Variants in COQ8A observed in about 807,000 individuals in gnomAD.
COQ8A encodes the protein coenzyme Q8A.
COQ8A carries 51 observed loss-of-function variants against 65.0 expected under a neutral mutation model. That is an observed-to-expected ratio of 0.78 (90% CI 0.63 to 0.99). The LOEUF is 0.99. Among genes scored for constraint, COQ8A ranks in the 50% least tolerant of loss-of-function variants. COQ8A has a pLI of 0.00. For missense variants in COQ8A, 940 were observed against 875.0 expected, an observed-to-expected ratio of 1.07 and a Z score of -0.94; for synonymous variants, 371 against 353.2, an observed-to-expected ratio of 1.05 and a Z score of -0.57.
At chr1:226,985,724 C>T (rs952063297) in intron 14 of COQ8A, among the ~76,000 whole-genome samples, 3 of 152,188 alleles carry the variant, frequency 2.0e-5, no homozygotes, top group Non-Finnish European at 2.9e-5. Flanking sequence ...TAAAGGGGAA[C>T]GGTCTGTGCT....
In COQ8A at chr1:226,972,757, TG is replaced by T. The variant is rs1658972404; in HGVS notation, c.656-4688del. Among the ~76,000 whole-genome samples the T allele has an allele frequency of 2.0e-5, 3 of 152,024 alleles. No individual in the cohort carries two copies. In the South Asian group the frequency reaches 6.2e-4, roughly 32 times the overall value. On this transcript the variant is annotated intron_variant, in intron 4 of 14. Transcript: ENST00000366777. The surrounding 1 kb of genome is among the most constrained non-coding windows in gnomAD (Gnocchi z 4.3). ...AAAACAAACATTGGGTGAATGGGCT[TG>T]GGGTGGTTATTTTTAAAATTTTGCA...
intron 7 of COQ8A, 32 bp from the exon 8 acceptor site, chr1:226,982,862 G>T (rs746945985): frequency 4.3e-6 from 7 of 1,612,442 alleles, no homozygotes; most frequent in Admixed American, 1.7e-5. Flanking sequence ...GGCAGGGCAT[G>T]CTCAGAGCCC....
rs1657634041 is a variant in COQ8A, at chr1:226,955,421, CCACTCTCCCTGGTTCA to C, written c.-9-5947_-9-5932del. Among the ~76,000 whole-genome samples the C allele has an allele frequency of 3.0e-5, 4 of 133,354 alleles. No homozygotes were observed. The South Asian group carries it at 1.1e-3, about 36-fold the overall frequency. The allele number at this position is 133,354 out of a possible 152,430, so 87.5% of individuals were successfully genotyped here. A position where few individuals can be genotyped will look rare whatever the true frequency, so the allele number is the denominator to read the frequency against. ...CCCTGGCTGCCACTCTCCCTGGCTG[CCACTCTCCCTGGTTCA>C]CACTCTCCTTGGCTGCCACTCTCCC... On this transcript the variant is annotated intron_variant, in intron 1 of 14. Transcript: ENST00000366777.
chr1:226,976,699 C>A (rs535726888), intron 4 of COQ8A, among the ~76,000 whole-genome samples: 9 of 152,134 alleles, frequency 5.9e-5, no homozygotes, highest in Non-Finnish European at 1.3e-4. Context: ...CTTTCTTGAG[C>A]AGCTGGGATC....
At chr1:226,945,855 C>T (rs1657008783) in intron 1 of COQ8A, among the ~76,000 whole-genome samples, 1 of 152,222 alleles carries the variant, frequency 6.6e-6, no homozygotes, top group Admixed American at 6.5e-5. Flanking sequence ...GGTCTGTGTG[C>T]CCACCATGAG....
chr1:226,979,506 A>T (rs1178472000), intron 5 of COQ8A, among the ~76,000 whole-genome samples: 1 of 152,136 alleles, frequency 6.6e-6, no homozygotes, highest in Non-Finnish European at 1.5e-5. Context: ...GTTCTGGGCC[A>T]AGTCCCCTGG....
intron 13 of COQ8A, 69 bp downstream of exon 13, chr1:226,985,010 G>C (rs773253916): frequency 1.9e-6 from 3 of 1,571,978 alleles, no homozygotes; most frequent in Admixed American, 1.7e-5. Context: ...TGGGGGACTC[G>C]GGGTAGGGAG....
In COQ8A at chr1:226,984,555, A is replaced by G. The variant is rs1326582121; in HGVS notation, c.1406A>G (p.Tyr469Cys). The G allele has an allele frequency of 6.2e-7, 1 of 1,613,632 alleles. No homozygotes were observed. Among genetic ancestry groups the G allele is most frequent in the South Asian group, 1.1e-5 (1 of 91,080 alleles). The change falls in exon 12 of 15, where the codon TAC (tyrosine) becomes TGC (cysteine). Residue 469 changes from tyrosine (Y) to cysteine (C), a missense_variant. By Grantham distance (194) the Tyr-to-Cys change is radical. Coordinates refer to ENST00000366777, the MANE Select transcript of COQ8A (RefSeq NM_020247.5). The part of the protein sequence containing the change: ...LSQEIRNEIC[Y>C]NILVLCLREL... Reference sequence around the variant, plus strand: ...CCTTCGCGCTGTCCACAGATCTGCTACAACATCCTGGTTCTGTGCCTGAGG... The same window carrying G: ...CCTTCGCGCTGTCCACAGATCTGCTGCAACATCCTGGTTCTGTGCCTGAGG...
intron 1 of COQ8A, among the ~76,000 whole-genome samples, chr1:226,942,023 T>C (rs1227716649): frequency 6.6e-6 from 1 of 152,004 alleles, no homozygotes; most frequent in Non-Finnish European, 1.5e-5. Flanking sequence ...CTATACATTG[T>C]AGGATGTGTA....
rs374177780 is a variant in COQ8A, at chr1:226,984,065, C to T, written c.1257-29C>T. The T allele has an allele frequency of 7.0e-5, 113 of 1,612,126 alleles. 1 individual carries two copies. In the Middle Eastern group the frequency reaches 8.3e-4, roughly 12 times the overall value. On this transcript the variant is annotated intron_variant, in intron 10 of 14. Coordinates refer to ENST00000366777, the MANE Select transcript of COQ8A (RefSeq NM_020247.5). The stretch of plus-strand genomic sequence containing the variant: ...GGGGGACGGTGTGGAGGGCCTGTGG[C>T]TAGGGCGTGACCTCCCTCCCCTACC...
rs761489506 is a variant in COQ8A at position 226,983,806 on chromosome 1, C to A, written c.1208C>A (p.Ala403Asp). Residue 403 changes from alanine to aspartate, a missense_variant, in exon 10 of 15, where the codon GCC (alanine) becomes GAC (aspartate). Physicochemically the swap from Ala to Asp is moderately radical, Grantham distance 126. Transcript: ENST00000366777. The stretch of plus-strand genomic sequence containing the variant: ...ATCGACGTGCTGAGGCGGGAGCTGG[C>A]CCTGGAGTGTGACTACCAGCGAGAG... ...HLIDVLRREL[A>D]LECDYQREAA... is the part of the protein sequence containing the mutation. 1 of 1,612,500 alleles carries A rather than the reference C, an allele frequency of 6.2e-7. No individual in the cohort carries two copies. The highest frequency in any genetic ancestry group is 1.1e-5 in the South Asian group (1 of 91,068).
Position 226,985,251 on chromosome 1 carries a change from C to G in COQ8A, c.1573-3C>G, listed in dbSNP as rs757502588. ...CACGGTCCCCTCCTGTGCCTCTCCC[C>G]AGATCATCAGGGCTGCTGCCGACAG... On this transcript the variant is annotated splice_polypyrimidine_tract_variant and splice_region_variant and intron_variant, in intron 13 of 14. Coordinates refer to ENST00000366777, the MANE Select transcript of COQ8A (RefSeq NM_020247.5). 1 of 1,613,284 alleles carries G rather than the reference C, an allele frequency of 6.2e-7. No individual in the cohort carries two copies. Among genetic ancestry groups the G allele is most frequent in the Admixed American group, 1.7e-5 (1 of 60,004 alleles).
Position 226,982,093 on chromosome 1 carries a change from C to T in COQ8A, c.797C>T (p.Thr266Met), listed in dbSNP as rs149924675. 2.0e-5 allele frequency: 32 copies of T among 1,612,146 alleles called. No homozygotes were observed. The highest frequency in any genetic ancestry group is 1.6e-4 in the Middle Eastern group (1 of 6,084). ...GCCAATGCAGAGCGGATCGTGCGCA[C>T]GCTCTGCAAGGTGCGTGGTGCGGCA... ...SEANAERIVR[T>M]LCKVRGAALK... Residue 266 changes from threonine (T) to methionine (M), a missense_variant, in exon 6 of 15, where the codon ACG becomes ATG. Physicochemically the swap from Thr to Met is moderately conservative, Grantham distance 81. Transcript: ENST00000366777.
rs1490349732 is a variant in COQ8A, at chr1:226,978,496, A to ACCCACC, written c.730+973_730+974insCCCACC. On this transcript the variant is annotated intron_variant, in intron 5 of 14. Coordinates refer to ENST00000366777, the MANE Select transcript of COQ8A (RefSeq NM_020247.5). ...CAAATACCTGCACACCTCCTTACAC[A>ACCCACC]TCCTCCACACACCCACCGAACACCC... 3.6e-5 allele frequency among the ~76,000 whole-genome samples: 5 copies of ACCCACC among 138,500 alleles called. No homozygotes were observed. In the East Asian group the frequency reaches 1.1e-3, roughly 31 times the overall value. The allele number at this position is 138,500 out of a possible 152,430, so 90.9% of individuals were successfully genotyped here. A position where few individuals can be genotyped will look rare whatever the true frequency, so the allele number is the denominator to read the frequency against.
At chr1:226,961,626 G>C in intron 2 of COQ8A, 64 bp downstream of exon 2, 1 of 1,535,416 alleles carries the variant, frequency 6.5e-7, no homozygotes, top group Non-Finnish European at 8.8e-7. Context: ...AGCTCTGGGG[G>C]AGACCAAGGG....
At chr1:226,960,547 G>T (rs1658177372) in intron 1 of COQ8A, among the ~76,000 whole-genome samples, 1 of 151,172 alleles carries the variant, frequency 6.6e-6, no homozygotes, top group African/African-American at 2.4e-5. Context: ...TGTACTTGGT[G>T]GTGGTGTCAA....
chr1:226,957,586 A>AGG lies in COQ8A; in HGVS notation c.-9-3786_-9-3785dup, dbSNP rs57102402. On this transcript the variant is annotated intron_variant, in intron 1 of 14. Coordinates refer to ENST00000366777, the MANE Select transcript of COQ8A (RefSeq NM_020247.5). ...GACAGACAGTGAGTTTTGGCTGTGA[A>AGG]GGGGGGACTTGGAGTGTATAAGGGA... Among the ~76,000 whole-genome samples, 1,350 of 152,234 alleles carry AGG rather than the reference A, an allele frequency of 8.9e-3. 19 individuals carry two copies. The highest frequency in any genetic ancestry group is 0.031 in the African/African-American group (1,281 of 41,512).
Position 226,986,550 on chromosome 1 carries a change from A to G in COQ8A, c.1757A>G (p.Lys586Arg), listed in dbSNP as rs113308613. ...FDFGTQSTTE[K>R]IHNLIPVMLR... Reference sequence around the variant, plus strand: ...TTTGGCACTCAGAGCACCACCGAGAAGATCCACAACCTGATTCCCGTCATG... The same window carrying G: ...TTTGGCACTCAGAGCACCACCGAGAGGATCCACAACCTGATTCCCGTCATG... Residue 586 changes from lysine (K) to arginine (R), a missense_variant, in exon 15 of 15, where the codon AAG (lysine) becomes AGG (arginine). Transcript: ENST00000366777. The G allele has an allele frequency of 1.2e-6, 2 of 1,613,880 alleles. No homozygotes were observed. Among genetic ancestry groups the G allele is most frequent in the South Asian group, 2.2e-5 (2 of 91,058 alleles).
chr1:226,961,585 G>C (rs1165021615), intron 2 of COQ8A, 23 bp downstream of exon 2: 1 of 1,598,348 alleles, frequency 6.3e-7, no homozygotes, highest in South Asian at 1.1e-5. Context: ...GGCAGTGGGA[G>C]GGGTGCTGGC....
Sources: gnomAD v4.1 joint callset for allele counts (sites outside exome capture counted in the v4.1 genomes callset) on GRCh38, gnomAD v4.1.1 for gene constraint, Gnocchi (gnomAD v3.1) non-coding constraint, MANE v1.5 for transcripts, NCBI Gene and HGNC (gene_info 2026-07-23, HGNC 2026-07-21) for gene names.